Variants in AGBL1 observed in about 807,000 individuals in gnomAD.
AGBL1 encodes the protein cytosolic carboxypeptidase 4.
Under a neutral mutation model 118.9 loss-of-function variants are expected in AGBL1, and 130 were observed. That is an observed-to-expected ratio of 1.09 (90% CI 0.95 to 1.26). The LOEUF is 1.26. AGBL1 is among the 50% of genes most tolerant of loss of function. AGBL1 has a pLI of 0.00. For missense variants in AGBL1, 1,584 were observed against 1,298.1 expected (o/e 1.22, Z -3.38); for synonymous variants, 555 against 478.9 (o/e 1.16, Z -2.08).
intron 23 of AGBL1, among the ~76,000 whole-genome samples, chr15:86,951,854 C>G (rs553669625): frequency 3.9e-5 from 6 of 152,146 alleles, no homozygotes; most frequent in Non-Finnish European, 5.9e-5. Context: ...CCTGCTATGT[C>G]TTCTTCATAA....
rs1317032940 is a variant in AGBL1 at position 86,914,004 on chromosome 15, GC to G, written c.*6711del. On this transcript the variant is annotated 3_prime_UTR_variant, in exon 23 of 23. Transcript: ENST00000614907. ...TGGTATCAGACAAGTATTATGACCA[GC>G]TCCTGGCAAAATAAGTAACACTTAA... 6.6e-6 allele frequency: 1 copy of G among 152,192 alleles called. No homozygotes were observed. The highest frequency in any genetic ancestry group is 1.5e-5 in the Non-Finnish European group (1 of 68,042). 9.4% of individuals were successfully genotyped at this position (152,192 alleles called of 1,614,324 possible).
intron 17 of AGBL1, among the ~76,000 whole-genome samples, chr15:86,319,921 T>A (rs2080079383): frequency 6.6e-6 from 1 of 152,026 alleles, no homozygotes; most frequent in Non-Finnish European, 1.5e-5. Flanking sequence ...CACATCTGGC[T>A]AATTTTTGTG....
chr15:86,754,761 C>T (rs1322010002), intron 22 of AGBL1, among the ~76,000 whole-genome samples: 1 of 151,950 alleles, frequency 6.6e-6, no homozygotes, highest in East Asian at 1.9e-4. Flanking sequence ...TTTCTTTATT[C>T]CCATCCTTTT....
chr15:86,396,972 T>A (rs2081374817), intron 17 of AGBL1, among the ~76,000 whole-genome samples: 1 of 152,190 alleles, frequency 6.6e-6, no homozygotes, highest in Non-Finnish European at 1.5e-5. Context: ...CATCAAATAG[T>A]TACATTTTTG....
At chr15:86,462,370 C>G (rs1356028952) in intron 18 of AGBL1, among the ~76,000 whole-genome samples, 1 of 152,148 alleles carries the variant, frequency 6.6e-6, no homozygotes, top group Non-Finnish European at 1.5e-5. Context: ...AAGTTGTTCG[C>G]TGACTCCTGC....
intron 22 of AGBL1, among the ~76,000 whole-genome samples, chr15:86,906,388 G>A (rs1179435934): frequency 6.6e-6 from 1 of 152,186 alleles, no homozygotes. Flanking sequence ...TCTTCCATTT[G>A]TTAATAAACT....
intron 21 of AGBL1, among the ~76,000 whole-genome samples, chr15:86,592,604 C>A (rs1350147406): frequency 1.3e-5 from 2 of 152,184 alleles, no homozygotes; most frequent in South Asian, 2.1e-4. Context: ...TTGTGCCATG[C>A]TCATTAGAAG....
At chr15:86,428,423 G>A (rs1405014451) in intron 18 of AGBL1, among the ~76,000 whole-genome samples, 2 of 152,186 alleles carry the variant, frequency 1.3e-5, no homozygotes, top group Non-Finnish European at 2.9e-5. Context: ...CTTATTGATA[G>A]TCCTATTTTC....
At chr15:87,022,216 G>A (rs2081672232) in intron 24 of AGBL1, among the ~76,000 whole-genome samples, 1 of 152,018 alleles carries the variant, frequency 6.6e-6, no homozygotes, top group African/African-American at 2.4e-5. Context: ...CAAATGAGAA[G>A]GAACCAGAAA....
intron 22 of AGBL1, among the ~76,000 whole-genome samples, chr15:86,751,167 ATTTATGTC>A (rs1297591410): frequency 6.6e-6 from 1 of 152,084 alleles, no homozygotes; most frequent in Non-Finnish European, 1.5e-5. Context: ...GTCGAATGGT[ATTTATGTC>A]TTTAGGTCTT....
At chr15:86,949,711 T>G (rs763410846) in intron 23 of AGBL1, among the ~76,000 whole-genome samples, 2 of 151,794 alleles carry the variant, frequency 1.3e-5, no homozygotes, top group Non-Finnish European at 2.9e-5. Context: ...AAGAAAAGAG[T>G]AAAAAAGGTT....
At chr15:86,135,627 G>A (rs1173229866) in intron 1 of AGBL1, among the ~76,000 whole-genome samples, 1 of 152,156 alleles carries the variant, frequency 6.6e-6, no homozygotes, top group Non-Finnish European at 1.5e-5. Flanking sequence ...TTCCCTGAAT[G>A]CCTACTGTGT....
intron 17 of AGBL1, among the ~76,000 whole-genome samples, chr15:86,373,786 A>G (rs1014208166): frequency 1.3e-5 from 2 of 152,216 alleles, no homozygotes; most frequent in Admixed American, 1.3e-4. Context: ...TGCTATTTAC[A>G]AGGAGTTTCT....
chr15:86,425,636 T>C (rs1416560703), intron 18 of AGBL1, among the ~76,000 whole-genome samples: 1 of 152,160 alleles, frequency 6.6e-6, no homozygotes. Flanking sequence ...TTCAATAAAG[T>C]GTGTTTTATT....
intron 21 of AGBL1, among the ~76,000 whole-genome samples, chr15:86,571,799 G>A (rs2084011925): frequency 6.6e-6 from 1 of 152,126 alleles, no homozygotes; most frequent in Admixed American, 6.5e-5. Flanking sequence ...CTCTGGTCTG[G>A]GGGTCTCGTG....
chr15:86,100,990 T>C (rs1896679815), intron 1 of AGBL1, among the ~76,000 whole-genome samples: 1 of 152,164 alleles, frequency 6.6e-6, no homozygotes, highest in Non-Finnish European at 1.5e-5. Context: ...TCTGCTTTTT[T>C]GATGTAGGCA....
intron 23 of AGBL1, among the ~76,000 whole-genome samples, chr15:86,938,543 C>T (rs2080706294): frequency 6.6e-6 from 1 of 152,156 alleles, no homozygotes; most frequent in Non-Finnish European, 1.5e-5. Flanking sequence ...GGAAGAATGG[C>T]ATGGGGGCTG....
At chr15:86,824,232 G>T (rs1032394724) in intron 22 of AGBL1, among the ~76,000 whole-genome samples, 1 of 151,322 alleles carries the variant, frequency 6.6e-6, no homozygotes, top group Admixed American at 6.6e-5. Flanking sequence ...AAGAAATGAG[G>T]TTATTAAGAT....
chr15:86,491,270 C>T (rs181257110), intron 18 of AGBL1, among the ~76,000 whole-genome samples: 12 of 152,004 alleles, frequency 7.9e-5, no homozygotes, highest in East Asian at 1.9e-4. Flanking sequence ...CAAGGGTGTG[C>T]GAAACAGCAT....
Sources: gnomAD v4.1 joint callset for allele counts (sites outside exome capture counted in the v4.1 genomes callset) on GRCh38, gnomAD v4.1.1 for gene constraint, MANE v1.5 for transcripts, NCBI Gene and HGNC (gene_info 2026-07-23, HGNC 2026-07-21) for gene names.